Variants in NUAK1 observed in about 807,000 individuals in gnomAD.
NUAK1 encodes the protein NUAK family SNF1-like kinase 1.
A neutral mutation model predicts 56.9 loss-of-function variants in NUAK1; 26 were observed. That is an observed-to-expected ratio of 0.46 (90% CI 0.33 to 0.63). The LOEUF is 0.63. Ranked by LOEUF, NUAK1 falls within the 30% of genes least tolerant of loss-of-function variation. The pLI, the probability that NUAK1 is intolerant of heterozygous loss-of-function variation, is 0.02. For synonymous variants in NUAK1, 337 were observed against 336.0 expected (o/e 1.00, Z -0.03); for missense variants, 727 against 876.1 (o/e 0.83, Z 2.15).
chr12:106,120,265 T>C (rs999182724), intron 1 of NUAK1, among the ~76,000 whole-genome samples: 1 of 152,162 alleles, frequency 6.6e-6, no homozygotes, highest in Non-Finnish European at 1.5e-5. Flanking sequence ...GGCCCTTTGC[T>C]AAGGATAAGA....
rs184815923 is a variant in NUAK1 at position 106,092,604 on chromosome 12, T to G, written c.362-5719A>C. Among the ~76,000 whole-genome samples the G allele has an allele frequency of 7.9e-5, 12 of 152,352 alleles. No homozygotes were observed. In the East Asian group the frequency reaches 1.7e-3, roughly 22 times the overall value. On this transcript the variant is annotated intron_variant, in intron 2 of 6. Coordinates refer to ENST00000261402, the MANE Select transcript of NUAK1 (RefSeq NM_014840.3). Reference sequence around the variant, plus strand: ...GTCGTCAAAGATTGTTCATTCTCATTGCTCTAGAGTACTCCATTATGTGAA... The same window carrying G: ...GTCGTCAAAGATTGTTCATTCTCATGGCTCTAGAGTACTCCATTATGTGAA...
At chr12:106,121,971 C>T (rs2032982287) in intron 1 of NUAK1, among the ~76,000 whole-genome samples, 1 of 152,190 alleles carries the variant, frequency 6.6e-6, no homozygotes, top group East Asian at 1.9e-4. Flanking sequence ...CTTTGCTTTT[C>T]TCATCTAGAA....
chr12:106,066,954 C>T lies in NUAK1; in HGVS notation c.1834G>A (p.Asp612Asn). The change falls in exon 7 of 7, where the codon GAC (aspartate) becomes AAC (asparagine). Residue 612 changes from aspartate (D) to asparagine (N), a missense_variant. Asp to Asn is a conservative substitution (Grantham distance 23, BLOSUM62 1). Coordinates refer to ENST00000261402, the MANE Select transcript of NUAK1 (RefSeq NM_014840.3). ...VSAENFLQIQ[D>N]FEGLQNRPRP... is the part of the protein sequence containing the mutation. ...GGCCGGTTCTGGAGCCCCTCAAAGT[C>T]CTGGATCTGGAGGAAGTTTTCTGCA... 2 of 1,614,248 alleles carry T rather than the reference C, an allele frequency of 1.2e-6. No individual in the cohort carries two copies. The highest frequency in any genetic ancestry group is 1.7e-6 in the Non-Finnish European group (2 of 1,180,048).
chr12:106,084,096 C>G (rs76209143), intron 3 of NUAK1, 167 bp from the exon 4 acceptor site: 4 of 611,406 alleles, frequency 6.5e-6, no homozygotes, highest in Non-Finnish European at 1.2e-5. Flanking sequence ...ACTGTCTTGA[C>G]GCTCCCCCGC....
At chr12:106,083,533 T>C (rs988557734) in intron 4 of NUAK1, among the ~76,000 whole-genome samples, 8 of 152,212 alleles carry the variant, frequency 5.3e-5, no homozygotes, top group African/African-American at 1.9e-4. Flanking sequence ...AAATATAAAA[T>C]ACATATGAAA....
chr12:106,134,345 CA>C (rs1291363247), intron 1 of NUAK1, among the ~76,000 whole-genome samples: 4 of 152,220 alleles, frequency 2.6e-5, no homozygotes, highest in African/African-American at 9.6e-5. Context: ...AGTTTTCCAG[CA>C]GGAGGCTATG....
At chr12:106,081,615 C>T (rs927553043) in intron 4 of NUAK1, among the ~76,000 whole-genome samples, 1 of 152,198 alleles carries the variant, frequency 6.6e-6, no homozygotes, top group Admixed American at 6.5e-5. Flanking sequence ...TTTGCTTACA[C>T]AAATGAAGCC....
chr12:106,112,796 G>T (rs1415043139), intron 1 of NUAK1, among the ~76,000 whole-genome samples: 1 of 152,254 alleles, frequency 6.6e-6, no homozygotes, highest in East Asian at 1.9e-4. Flanking sequence ...AAGCCAGGGA[G>T]CATGGTATGT....
chr12:106,137,357 G>A (rs1168837879), intron 1 of NUAK1, among the ~76,000 whole-genome samples: 1 of 152,144 alleles, frequency 6.6e-6, no homozygotes, highest in African/African-American at 2.4e-5. Context: ...GTGCACACAA[G>A]GAGTCCCATA....
intron 1 of NUAK1, among the ~76,000 whole-genome samples, chr12:106,136,539 C>T (rs2136487930): frequency 6.6e-6 from 1 of 152,316 alleles, no homozygotes; most frequent in African/African-American, 2.4e-5. Flanking sequence ...GTCCCACTGA[C>T]GCTCAGAAAG....
rs1476898246 is a variant in NUAK1 at position 106,067,105 on chromosome 12, G to A, written c.1683C>T (p.Leu561=). Residue 561 remains leucine (L), a synonymous_variant, in exon 7 of 7, where the codon CTC becomes CTT. Coordinates refer to ENST00000261402, the MANE Select transcript of NUAK1 (RefSeq NM_014840.3). This position sits in a 1 kb window ranked among gnomAD's most constrained non-coding sequence, Gnocchi z 6.0. The stretch of plus-strand genomic sequence containing the variant: ...TGGAAGGGCGGCTGTAGCTCCGGGA[G>A]AGGCCCTCGGCAGGGACACCAGGCT... ...LSEPGVPAEG[L]SRSYSRPSSV... is the part of the protein sequence containing the mutation. The A allele has an allele frequency of 1.9e-6, 3 of 1,614,130 alleles. No individual in the cohort carries two copies. The African/African-American group carries it at 4.0e-5, about 22-fold the overall frequency.
intron 4 of NUAK1, among the ~76,000 whole-genome samples, chr12:106,077,222 G>C (rs549867957): frequency 1.3e-5 from 2 of 152,278 alleles, no homozygotes; most frequent in African/African-American, 4.8e-5. Context: ...GAGAACCTGG[G>C]GCTAATCATG....
chr12:106,068,031 G>T, intron 6 of NUAK1, 76 bp from the exon 7 acceptor site: 1 of 1,408,666 alleles, frequency 7.1e-7, no homozygotes, highest in South Asian at 1.4e-5. Context: ...CCCTCCAGGA[G>T]TGACGAAAGA....
At chr12:106,080,699 G>T (rs188546404) in intron 4 of NUAK1, among the ~76,000 whole-genome samples, 7 of 152,360 alleles carry the variant, frequency 4.6e-5, no homozygotes, top group Admixed American at 3.3e-4. Flanking sequence ...CATGTGACAA[G>T]TTTAAACCAG....
At chr12:106,069,900 T>C (rs187499939) in intron 6 of NUAK1, among the ~76,000 whole-genome samples, 6 of 152,288 alleles carry the variant, frequency 3.9e-5, no homozygotes, top group Admixed American at 1.3e-4. Flanking sequence ...ACACTCTCTA[T>C]ACAGGCATGA....
In NUAK1 at chr12:106,107,061, C is replaced by T. The variant is rs189489099; in HGVS notation, c.241-536G>A. Reference sequence around the variant, plus strand: ...CTGTGTTTACGCAAGGGCTCAGAAGCGAATTCCTTCCTACATCCTTCCTCT... The same window carrying T: ...CTGTGTTTACGCAAGGGCTCAGAAGTGAATTCCTTCCTACATCCTTCCTCT... On this transcript the variant is annotated intron_variant, in intron 1 of 6. Transcript: ENST00000261402. Among the ~76,000 whole-genome samples the T allele has an allele frequency of 3.7e-4, 57 of 152,258 alleles. No individual in the cohort carries two copies. The South Asian group carries it at 5.6e-3, about 15-fold the overall frequency.
At position 106,106,302 on chromosome 12, in the gene NUAK1, T is replaced by C. The variant is rs573568652; in HGVS notation, c.361+103A>G. ...ATTTTTGCATCATGAGGAAAAATAC[T>C]TGGCTTCTGCCCAGAAGGGCAATTA... On this transcript the variant is annotated intron_variant, in intron 2 of 6. Coordinates refer to ENST00000261402, the MANE Select transcript of NUAK1 (RefSeq NM_014840.3). 8.4e-6 allele frequency: 9 copies of C among 1,068,432 alleles called. No homozygotes were observed. In the South Asian group the frequency reaches 1.5e-4, roughly 18 times the overall value. 66.2% of individuals were successfully genotyped at this position (1,068,432 alleles called of 1,614,324 possible). A position where few individuals can be genotyped will look rare whatever the true frequency, so the allele number is the denominator to read the frequency against.
intron 1 of NUAK1, among the ~76,000 whole-genome samples, chr12:106,126,599 T>G (rs2033027102): frequency 6.6e-6 from 1 of 152,226 alleles, no homozygotes; most frequent in Admixed American, 6.5e-5. Flanking sequence ...GGCAAAGTGC[T>G]CAGTAAAGGT....
intron 2 of NUAK1, among the ~76,000 whole-genome samples, chr12:106,102,596 T>G (rs1006737963): frequency 2.0e-5 from 3 of 152,236 alleles, no homozygotes; most frequent in Admixed American, 2.0e-4. Context: ...TGAAATACCT[T>G]GTCAATGGAC....
Sources: allele counts gnomAD v4.1 joint callset (sites outside exome capture counted in the v4.1 genomes callset), GRCh38; gene constraint gnomAD v4.1.1; non-coding constraint Gnocchi (gnomAD v3.1); transcripts MANE v1.5; gene names NCBI Gene and HGNC (gene_info 2026-07-23, HGNC 2026-07-21).